The following AHCYL2 variants were observed in gnomAD, a reference collection of about 807,000 sequenced individuals.
The protein encoded by AHCYL2 is adenosylhomocysteinase like 2.
Under a neutral mutation model 81.4 loss-of-function variants are expected in AHCYL2, and 28 were observed. The observed-to-expected ratio is 0.34, with a 90% CI of 0.25 to 0.47. AHCYL2 has a LOEUF of 0.47. AHCYL2 is among the 20% of genes least tolerant of loss of function. The probability of loss-of-function intolerance (pLI) is 1.00; values close to 1 mark genes in which losing one functional copy is unlikely to be tolerated. For missense variants in AHCYL2, 551 were observed against 785.1 expected, an observed-to-expected ratio of 0.70 and a Z score of 3.56; for synonymous variants, 272 against 290.2, an observed-to-expected ratio of 0.94 and a Z score of 0.64.
chr7:129,340,264 G>A (rs1175904919), intron 1 of AHCYL2, among the ~76,000 whole-genome samples: 1 of 145,092 alleles, frequency 6.9e-6, no homozygotes, highest in African/African-American at 2.5e-5. Context: ...TGATCTGCCA[G>A]TTTAAAAAAA....
intron 1 of AHCYL2, among the ~76,000 whole-genome samples, chr7:129,269,046 A>C (rs1486411626): frequency 6.6e-6 from 1 of 151,938 alleles, no homozygotes; most frequent in Non-Finnish European, 1.5e-5. Context: ...GACATTTCAT[A>C]TAAATGGGAT....
intron 1 of AHCYL2, among the ~76,000 whole-genome samples, chr7:129,296,465 T>C (rs1212536499): frequency 6.6e-6 from 1 of 152,150 alleles, no homozygotes; most frequent in African/African-American, 2.4e-5. Flanking sequence ...TCGCAGCACT[T>C]TGGGAGACTG....
Position 129,290,075 on chromosome 7 carries a change from G to A in AHCYL2, c.363+64636G>A, listed in dbSNP as rs535796501. On this transcript the variant is annotated intron_variant, in intron 1 of 16. Coordinates refer to ENST00000325006, the MANE Select transcript of AHCYL2 (RefSeq NM_015328.4). The stretch of plus-strand genomic sequence containing the variant: ...AGGATTACAGGCACCATGCCCAGTG[G>A]CATATATATTTCTTCTAATAAACTC... Among the ~76,000 whole-genome samples the A allele has an allele frequency of 3.5e-4, 53 of 152,070 alleles. 1 individual carries two copies. The highest frequency in any genetic ancestry group is 3.3e-3 in the South Asian group (16 of 4,814).
intron 2 of AHCYL2, among the ~76,000 whole-genome samples, chr7:129,388,435 G>A (rs534926138): frequency 5.6e-4 from 85 of 152,194 alleles, no homozygotes; most frequent in Non-Finnish European, 9.4e-4. Context: ...TTCTTTGGGA[G>A]TCTAAAATGC....
chr7:129,304,700 G>A (rs950869237), intron 1 of AHCYL2, among the ~76,000 whole-genome samples: 1 of 151,886 alleles, frequency 6.6e-6, no homozygotes, highest in Non-Finnish European at 1.5e-5. Context: ...AATACAGTTA[G>A]TCTTGCTCTT....
intron 1 of AHCYL2, among the ~76,000 whole-genome samples, chr7:129,330,668 A>G (rs1798388098): frequency 1.3e-5 from 2 of 151,654 alleles, no homozygotes; most frequent in South Asian, 2.1e-4. Flanking sequence ...TCACCGTGTT[A>G]GCCAGGATAG....
chr7:129,414,603 T>C (rs574722212), intron 12 of AHCYL2, among the ~76,000 whole-genome samples: 156 of 152,182 alleles, frequency 1.0e-3, no homozygotes, highest in Non-Finnish European at 1.5e-3. Context: ...ATGTTTTTAG[T>C]AGAGGCAGAG....
intron 1 of AHCYL2, among the ~76,000 whole-genome samples, chr7:129,376,809 A>G (rs1326893274): frequency 1.3e-5 from 2 of 152,208 alleles, no homozygotes; most frequent in Non-Finnish European, 2.9e-5. Context: ...GAAAAGTTCC[A>G]TTATTATTCC....
intron 1 of AHCYL2, among the ~76,000 whole-genome samples, chr7:129,364,716 G>C (rs1794046710): frequency 6.6e-6 from 1 of 152,082 alleles, no homozygotes. Context: ...CCATAAAATA[G>C]ACTTTTGGCC....
At chr7:129,358,422 A>C (rs1654707361) in intron 1 of AHCYL2, among the ~76,000 whole-genome samples, 2 of 152,124 alleles carry the variant, frequency 1.3e-5, no homozygotes, top group Non-Finnish European at 2.9e-5. Flanking sequence ...ACAAAAAGGA[A>C]TGAAATTCTG....
chr7:129,400,333 T>G lies in AHCYL2; in HGVS notation c.867T>G (p.Phe289Leu). The part of the protein sequence containing the change: ...FAWKGESEDD[F>L]WWCIDRCVNV... ...GGAAGGGAGAGTCAGAAGATGACTT[T>G]TGGTGGTGTATCGATAGATGTGTGA... is the stretch of plus-strand genomic sequence containing the variant. The change falls in exon 6 of 17, where the codon TTT (phenylalanine) becomes TTG (leucine). Residue 289 changes from phenylalanine to leucine, a missense_variant. Transcript: ENST00000325006. 2 of 1,613,748 alleles carry G rather than the reference T, an allele frequency of 1.2e-6. No homozygotes were observed. Among genetic ancestry groups the G allele is most frequent in the Non-Finnish European group, 1.7e-6 (2 of 1,179,754 alleles).
At chr7:129,304,400 T>C (rs1295628144) in intron 1 of AHCYL2, among the ~76,000 whole-genome samples, 1 of 152,230 alleles carries the variant, frequency 6.6e-6, no homozygotes, top group African/African-American at 2.4e-5. Context: ...TAGGTCCATT[T>C]GGTTTGTAGT....
In AHCYL2 at chr7:129,267,358, G is replaced by A. The variant is rs145103956; in HGVS notation, c.363+41919G>A. On this transcript the variant is annotated intron_variant, in intron 1 of 16. Transcript: ENST00000325006. ...TCACTCTTGTCGCCCAGGCTGGAGT[G>A]CAGTGGCGTGATCTCATCTCACTGC... 5.8e-3 allele frequency among the ~76,000 whole-genome samples: 888 copies of A among 152,010 alleles called. 7 individuals carry two copies. Among genetic ancestry groups the A allele is most frequent in the African/African-American group, 0.02 (839 of 41,456 alleles).
chr7:129,267,230 G>GGTGTGTGTGT (rs769745702), intron 1 of AHCYL2, among the ~76,000 whole-genome samples: 160 of 59,212 alleles, frequency 2.7e-3, no homozygotes, highest in East Asian at 0.017. Context: ...TCACTCAAGG[G>GGTGTGTGTGT]GTGTGTGTGT....
At chr7:129,229,251 G>A (rs1225150613) in intron 1 of AHCYL2, among the ~76,000 whole-genome samples, 1 of 152,084 alleles carries the variant, frequency 6.6e-6, no homozygotes, top group African/African-American at 2.4e-5. Context: ...ATTTTCAGTA[G>A]AGATGAAGTT....
At chr7:129,291,676 C>A (rs897673172) in intron 1 of AHCYL2, among the ~76,000 whole-genome samples, 1 of 132,858 alleles carries the variant, frequency 7.5e-6, no homozygotes, top group Admixed American at 7.9e-5. Flanking sequence ...GATCTCAGTT[C>A]ACTGGAAGCC....
intron 1 of AHCYL2, among the ~76,000 whole-genome samples, chr7:129,302,053 G>C (rs1309525362): frequency 6.6e-6 from 1 of 152,006 alleles, no homozygotes; most frequent in Non-Finnish European, 1.5e-5. Context: ...TCTTTTCAAT[G>C]TCTTGCATCA....
intron 1 of AHCYL2, among the ~76,000 whole-genome samples, chr7:129,259,395 A>C (rs951233140): frequency 4.6e-5 from 7 of 152,154 alleles, no homozygotes; most frequent in Non-Finnish European, 7.4e-5. Context: ...TTGTACTCCT[A>C]ACCTTTGAAT....
intron 1 of AHCYL2, among the ~76,000 whole-genome samples, chr7:129,315,774 G>A (rs146195300): frequency 1.3e-3 from 199 of 152,232 alleles, no homozygotes; most frequent in Non-Finnish European, 2.5e-3. Flanking sequence ...GAGGAGATAG[G>A]TTTGAGTGTA....
Sources: gnomAD v4.1 joint callset for allele counts (sites outside exome capture counted in the v4.1 genomes callset) on GRCh38, gnomAD v4.1.1 for gene constraint, MANE v1.5 for transcripts, NCBI Gene and HGNC (gene_info 2026-07-23, HGNC 2026-07-21) for gene names.